The following PDHX variants were observed in gnomAD, a reference collection of about 807,000 sequenced individuals.
PDHX encodes the protein pyruvate dehydrogenase complex component X.
A neutral mutation model predicts 55.3 loss-of-function variants in PDHX; 33 were observed. The observed-to-expected ratio is 0.60, with a 90% CI of 0.45 to 0.80. The LOEUF (loss-of-function observed/expected upper bound fraction) is 0.80, where lower values mean the gene tolerates loss of function less well. Ranked by LOEUF, PDHX falls within the 30% of genes least tolerant of loss-of-function variation. The probability of loss-of-function intolerance (pLI) is 0.00; values close to 1 mark genes in which losing one functional copy is unlikely to be tolerated. For missense variants in PDHX, 622 were observed against 619.9 expected (o/e 1.00, Z -0.04); for synonymous variants, 226 against 219.4 (o/e 1.03, Z -0.27).
upstream of PDHX, chr11:34,916,298 G>A (rs886048245): frequency 2.5e-6 from 4 of 1,611,312 alleles, no homozygotes; most frequent in Non-Finnish European, 3.4e-6. Flanking sequence ...CCAGACCAGG[G>A]ACCCGCGCGG....
intron 8 of PDHX, among the ~76,000 whole-genome samples, chr11:34,984,365 A>G (rs1253202552): frequency 6.6e-6 from 1 of 152,244 alleles, no homozygotes; most frequent in East Asian, 1.9e-4. Flanking sequence ...AACTTGCTTC[A>G]AAAAGGTGGT....
Position 34,953,293 on chromosome 11 carries a change from TC to T in PDHX, c.343-4087del, listed in dbSNP as rs544531361. Among the ~76,000 whole-genome samples the T allele has an allele frequency of 9.9e-3, 1,507 of 152,198 alleles. 23 individuals carry two copies. The highest frequency in any genetic ancestry group is 0.034 in the African/African-American group (1,430 of 41,520). ...AAGGTAATTTATAGATTCAATGCCA[TC>T]CCCATCAAGCTACCAATGCCTTTCT... On this transcript the variant is annotated intron_variant, in intron 3 of 10. Transcript: ENST00000227868.
At chr11:34,963,892 CTG>C (rs1855073068) in intron 5 of PDHX, among the ~76,000 whole-genome samples, 1 of 152,228 alleles carries the variant, frequency 6.6e-6, no homozygotes, top group South Asian at 2.1e-4. Flanking sequence ...TTTGGTACAT[CTG>C]TGTCCTAAAT....
intron 2 of PDHX, among the ~76,000 whole-genome samples, chr11:34,935,630 A>G (rs887531337): frequency 3.9e-5 from 6 of 152,132 alleles, no homozygotes; most frequent in Admixed American, 3.3e-4. Flanking sequence ...AGGTTAAACT[A>G]TTGTGGAGGA....
intron 3 of PDHX, among the ~76,000 whole-genome samples, chr11:34,953,573 C>T (rs919651243): frequency 2.6e-5 from 4 of 152,322 alleles, no homozygotes; most frequent in Admixed American, 6.5e-5. Context: ...TAAATTGTTA[C>T]ATCCACTTTA....
At chr11:34,946,791 A>C (rs1184512077) in intron 2 of PDHX, among the ~76,000 whole-genome samples, 1 of 152,196 alleles carries the variant, frequency 6.6e-6, no homozygotes, top group African/African-American at 2.4e-5. Flanking sequence ...CAAATAGTGA[A>C]TCTGATTTGA....
At position 34,979,330 on chromosome 11, in the gene PDHX, T is replaced by A. The variant is rs58688311; in HGVS notation, c.1023+1148T>A. Among the ~76,000 whole-genome samples, 139 of 152,230 alleles carry A rather than the reference T, an allele frequency of 9.1e-4. 1 individual carries two copies. Among genetic ancestry groups the A allele is most frequent in the African/African-American group, 3.1e-3 (128 of 41,532 alleles). On this transcript the variant is annotated intron_variant, in intron 8 of 10. Transcript: ENST00000227868. ...GGCAGGTGAACATATGAGCCTGCAG[T>A]TCAGTGGAGGTGATGTAAACCTAGC...
At chr11:34,984,371 G>T (rs995004445) in intron 8 of PDHX, among the ~76,000 whole-genome samples, 199 bp from the exon 9 acceptor site, 1 of 152,166 alleles carries the variant, frequency 6.6e-6, no homozygotes, top group African/African-American at 2.4e-5. Context: ...CTTCAAAAAG[G>T]TGGTATGTTT....
chr11:34,953,500 A>G (rs967281094), intron 3 of PDHX, among the ~76,000 whole-genome samples: 2 of 152,238 alleles, frequency 1.3e-5, no homozygotes, highest in Non-Finnish European at 2.9e-5. Context: ...TAATTTTTTC[A>G]TATTGAAATA....
intron 5 of PDHX, among the ~76,000 whole-genome samples, chr11:34,963,661 T>C (rs1047424463): frequency 6.6e-6 from 1 of 152,182 alleles, no homozygotes. Flanking sequence ...TTCCAAATGC[T>C]GAAGGAAATG....
At chr11:34,987,262 CTT>C (rs1855666994) in intron 9 of PDHX, among the ~76,000 whole-genome samples, 1 of 152,136 alleles carries the variant, frequency 6.6e-6, no homozygotes, top group Admixed American at 6.5e-5. Flanking sequence ...TCAAGTAGTA[CTT>C]TCTTGTATGA....
intron 7 of PDHX, among the ~76,000 whole-genome samples, chr11:34,970,962 AT>A (rs1161901796): frequency 6.6e-6 from 1 of 152,150 alleles, no homozygotes; most frequent in Non-Finnish European, 1.5e-5. Flanking sequence ...ACATAGGTCA[AT>A]TTTTTTGTAA....
At chr11:34,950,835 T>TTC (rs1854745270) in intron 3 of PDHX, among the ~76,000 whole-genome samples, 4 of 151,322 alleles carry the variant, frequency 2.6e-5, no homozygotes, top group African/African-American at 9.7e-5. Flanking sequence ...GCAGTAAACA[T>TTC]ACATGTGCAT....
At chr11:34,917,174 A>C (rs915715540) in intron 1 of PDHX, among the ~76,000 whole-genome samples, 1 of 152,130 alleles carries the variant, frequency 6.6e-6, no homozygotes, top group East Asian at 1.9e-4. Context: ...CGGACGAGAA[A>C]AAGCTGCCCA....
intron 3 of PDHX, among the ~76,000 whole-genome samples, chr11:34,948,615 T>TTG (rs1854682189): frequency 6.6e-6 from 1 of 150,640 alleles, no homozygotes; most frequent in Non-Finnish European, 1.5e-5. Flanking sequence ...ATTTTTAACT[T>TTG]CGAATATGTC....
chr11:34,940,389 A>G (rs1267491541), intron 2 of PDHX, among the ~76,000 whole-genome samples: 1 of 152,176 alleles, frequency 6.6e-6, no homozygotes, highest in Non-Finnish European at 1.5e-5. Context: ...CTATATCACT[A>G]GATGCCACTA....
intron 6 of PDHX, among the ~76,000 whole-genome samples, chr11:34,967,205 A>AT (rs1361813285): frequency 1.3e-5 from 2 of 152,144 alleles, no homozygotes; most frequent in African/African-American, 4.8e-5. Flanking sequence ...AACAATTACT[A>AT]TGTGTTTTAA....
At chr11:34,943,910 C>T (rs1854556983) in intron 2 of PDHX, among the ~76,000 whole-genome samples, 1 of 151,972 alleles carries the variant, frequency 6.6e-6, no homozygotes, top group South Asian at 2.1e-4. Context: ...GCATCCTGAC[C>T]TCACCTTATC....
rs538839853 is a variant in PDHX at position 34,984,851 on chromosome 11, T to C, written c.1182+123T>C. ...TTTTTGTGTGTGTGAAGGGGAGAGT[T>C]ATTTCATCAAGTGATTGTCACATAT... On this transcript the variant is annotated intron_variant, in intron 9 of 10. Coordinates refer to ENST00000227868, the MANE Select transcript of PDHX (RefSeq NM_003477.3). 4.4e-4 allele frequency: 399 copies of C among 905,530 alleles called. 4 individuals are homozygous for C. The South Asian group carries it at 5.1e-3, about 12-fold the overall frequency. The allele number at this position is 905,530 out of a possible 1,614,324, so 56.1% of individuals were successfully genotyped here. A position where few individuals can be genotyped will look rare whatever the true frequency, so the allele number is the denominator to read the frequency against.
Sources: gnomAD v4.1 joint callset for allele counts (sites outside exome capture counted in the v4.1 genomes callset) on GRCh38, gnomAD v4.1.1 for gene constraint, MANE v1.5 for transcripts, NCBI Gene and HGNC (gene_info 2026-07-23, HGNC 2026-07-21) for gene names.